GALNTL6: variants seen among roughly 807,000 people sequenced by gnomAD.
The protein encoded by GALNTL6 is polypeptide N-acetylgalactosaminyltransferase-like 6.
GALNTL6 carries 46 observed loss-of-function variants against 73.7 expected under a neutral mutation model. The observed-to-expected ratio is 0.62, with a 90% CI of 0.49 to 0.80. The LOEUF is 0.80. Ranked by LOEUF, GALNTL6 falls within the 30% of genes least tolerant of loss-of-function variation. The pLI, the probability that GALNTL6 is intolerant of heterozygous loss-of-function variation, is 0.00. For missense variants in GALNTL6, 604 were observed against 755.0 expected (o/e 0.80, Z 2.34); for synonymous variants, 259 against 263.7 (o/e 0.98, Z 0.17).
intron 2 of GALNTL6, among the ~76,000 whole-genome samples, chr4:172,001,062 TGTTGTAATAGTA>T (rs1369040614): frequency 2.6e-5 from 4 of 152,184 alleles, no homozygotes; most frequent in Non-Finnish European, 5.9e-5. Context: ...TGAGAATAGT[TGTTGTAATAGTA>T]GTTGTAATAG....
At chr4:172,465,031 T>TTTA (rs1732756661) in intron 5 of GALNTL6, among the ~76,000 whole-genome samples, 1 of 152,190 alleles carries the variant, frequency 6.6e-6, no homozygotes. Flanking sequence ...CAATACTGAT[T>TTTA]TTTATTTCCT....
At chr4:172,111,012 CTA>C (rs1732836145) in intron 2 of GALNTL6, among the ~76,000 whole-genome samples, 1 of 151,744 alleles carries the variant, frequency 6.6e-6, no homozygotes, top group Admixed American at 6.6e-5. Context: ...GGATATATTC[CTA>C]TACTAAGCTT....
At chr4:171,920,416 G>C (rs980130839) in intron 2 of GALNTL6, among the ~76,000 whole-genome samples, 1 of 151,946 alleles carries the variant, frequency 6.6e-6, no homozygotes, top group Non-Finnish European at 1.5e-5. Context: ...AAACAGTTTA[G>C]GGATGGCAGG....
chr4:172,446,654 C>T (rs2111412091), intron 5 of GALNTL6, among the ~76,000 whole-genome samples: 1 of 152,152 alleles, frequency 6.6e-6, no homozygotes. Context: ...GAGTCATAGG[C>T]CTCATGGACC....
intron 7 of GALNTL6, among the ~76,000 whole-genome samples, chr4:172,829,711 G>A (rs1742517572): frequency 2.6e-5 from 4 of 152,170 alleles, no homozygotes; most frequent in South Asian, 4.1e-4. Flanking sequence ...ACTTCCTGAT[G>A]TACTTCCAAC....
At chr4:172,119,419 G>A (rs1216860830) in intron 2 of GALNTL6, among the ~76,000 whole-genome samples, 3 of 152,084 alleles carry the variant, frequency 2.0e-5, no homozygotes, top group Non-Finnish European at 4.4e-5. Context: ...GGGTTTTCAT[G>A]CAATGCACTC....
chr4:172,896,900 T>C (rs572975760), intron 8 of GALNTL6, among the ~76,000 whole-genome samples: 3 of 150,880 alleles, frequency 2.0e-5, no homozygotes, highest in Non-Finnish European at 3.0e-5. Flanking sequence ...TGTGGGACAG[T>C]GGCTAGCATG....
chr4:172,475,797 G>A (rs1460646507), intron 5 of GALNTL6, among the ~76,000 whole-genome samples: 4 of 152,148 alleles, frequency 2.6e-5, no homozygotes, highest in South Asian at 2.1e-4. Flanking sequence ...TCCAGATAAC[G>A]AAATCATGTC....
intron 5 of GALNTL6, among the ~76,000 whole-genome samples, chr4:172,475,671 G>A (rs958142315): frequency 1.3e-5 from 2 of 152,060 alleles, no homozygotes; most frequent in Non-Finnish European, 2.9e-5. Flanking sequence ...ATCCTATAAG[G>A]GATCTGAATT....
chr4:171,861,312 C>G (rs551704575), intron 2 of GALNTL6, among the ~76,000 whole-genome samples: 1 of 152,200 alleles, frequency 6.6e-6, no homozygotes, highest in African/African-American at 2.4e-5. Context: ...GTTTAATAGT[C>G]ATTTACTACA....
intron 8 of GALNTL6, among the ~76,000 whole-genome samples, chr4:172,897,592 G>A (rs574584271): frequency 6.6e-6 from 1 of 152,298 alleles, no homozygotes; most frequent in East Asian, 1.9e-4. Context: ...AAGTTCCTTG[G>A]GGGACAGGTC....
At chr4:172,928,549 G>A (rs1024507417) in intron 8 of GALNTL6, among the ~76,000 whole-genome samples, 5 of 152,134 alleles carry the variant, frequency 3.3e-5, no homozygotes, top group Admixed American at 2.6e-4. Flanking sequence ...GTCATCTGCT[G>A]CAGATTTCAA....
At chr4:173,033,885 G>A (rs775459800) in intron 12 of GALNTL6, among the ~76,000 whole-genome samples, 3 of 152,050 alleles carry the variant, frequency 2.0e-5, no homozygotes, top group Non-Finnish European at 4.4e-5. Flanking sequence ...GGGGTAACTC[G>A]AGTCTCCCAA....
chr4:172,628,135 T>C (rs568949903), intron 5 of GALNTL6, among the ~76,000 whole-genome samples: 2 of 152,250 alleles, frequency 1.3e-5, no homozygotes, highest in African/African-American at 4.8e-5. Flanking sequence ...ATATTTCTTA[T>C]ATTGTCTGAC....
At chr4:172,685,451 T>C in intron 5 of GALNTL6, among the ~76,000 whole-genome samples, 1 of 152,208 alleles carries the variant, frequency 6.6e-6, no homozygotes, top group East Asian at 1.9e-4. Flanking sequence ...TCACTACTGC[T>C]TATAGTGAGA....
At chr4:172,375,495 T>C (rs551998432) in intron 5 of GALNTL6, among the ~76,000 whole-genome samples, 7 of 152,300 alleles carry the variant, frequency 4.6e-5, no homozygotes, top group African/African-American at 1.7e-4. Flanking sequence ...CAGTTTTGGT[T>C]TGTTTGTTTC....
intron 5 of GALNTL6, among the ~76,000 whole-genome samples, chr4:172,612,070 T>G (rs1279631747): frequency 2.0e-5 from 3 of 152,064 alleles, no homozygotes; most frequent in Non-Finnish European, 4.4e-5. Context: ...CATAAAGGTA[T>G]AGGATAAATC....
chr4:172,760,588 A>T lies in GALNTL6; in HGVS notation c.554-48773A>T, dbSNP rs190757505. Among the ~76,000 whole-genome samples the T allele has an allele frequency of 1.0e-3, 158 of 152,220 alleles. 1 individual carries two copies. Among genetic ancestry groups the T allele is most frequent in the African/African-American group, 3.7e-3 (155 of 41,530 alleles). On this transcript the variant is annotated intron_variant, in intron 5 of 12. Coordinates refer to ENST00000506823, the MANE Select transcript of GALNTL6 (RefSeq NM_001034845.3). ...AAGAACATTGATGCCCTGCTTCTCT[A>T]CAACTGCCCCAGAAATAACATGCCC...
At chr4:172,012,347 C>T (rs1429483974) in intron 2 of GALNTL6, among the ~76,000 whole-genome samples, 1 of 152,082 alleles carries the variant, frequency 6.6e-6, no homozygotes, top group African/African-American at 2.4e-5. Context: ...ACCCTTCTTC[C>T]AGGGTCTACT....
Sources: gnomAD v4.1 joint callset for allele counts (sites outside exome capture counted in the v4.1 genomes callset) on GRCh38, gnomAD v4.1.1 for gene constraint, MANE v1.5 for transcripts, NCBI Gene and HGNC (gene_info 2026-07-23, HGNC 2026-07-21) for gene names.